The following HIVEP1 variants were observed in gnomAD, a reference collection of about 807,000 sequenced individuals.
The protein encoded by HIVEP1 is HIVEP zinc finger 1, also known as zinc finger protein 40.
In HIVEP1, 36 loss-of-function variants were observed where a neutral mutation model predicts 180.0. The ratio of observed to expected loss-of-function variants is 0.20; its 90% CI spans 0.15 to 0.26. HIVEP1 has a LOEUF of 0.26. Ranked by LOEUF, HIVEP1 falls within the 10% of genes least tolerant of loss-of-function variation. The probability of loss-of-function intolerance (pLI) is 1.00; values close to 1 mark genes in which losing one functional copy is unlikely to be tolerated. For missense variants in HIVEP1, 3,143 were observed against 3,268.7 expected, an observed-to-expected ratio of 0.96 and a Z score of 0.94; for synonymous variants, 1,239 against 1,239.0, an observed-to-expected ratio of 1.00 and a Z score of 0.00.
At chr6:12,185,826 C>T in the HIVEP1 span, among the ~76,000 whole-genome samples, 1 of 152,120 alleles carries the variant, frequency 6.6e-6, no homozygotes, top group South Asian at 2.1e-4. Flanking sequence ...AAATGGGAAC[C>T]ATCATGCATT....
chr6:12,057,388 T>C (rs1770950911), intron 2 of HIVEP1, among the ~76,000 whole-genome samples: 1 of 152,234 alleles, frequency 6.6e-6, no homozygotes, highest in South Asian at 2.1e-4. Flanking sequence ...CTTGAAATGG[T>C]TGGCAGTCAG....
chr6:12,124,833 A>C lies in HIVEP1; in HGVS notation c.5038A>C (p.Ser1680Arg), dbSNP rs1389991708. 3 of 1,614,250 alleles carry C rather than the reference A, an allele frequency of 1.9e-6. No homozygotes were observed. Among genetic ancestry groups the C allele is most frequent in the Non-Finnish European group, 2.5e-6 (3 of 1,180,034 alleles). ...GACTAATCATAGTGTAGTGCCAATC[A>C]GTGAAGAACAAAATTCTGTGCCAAC... Reference protein sequence around the residue: ...CQTNHSVVPISEEQNSVPTLQ... With the variant: ...CQTNHSVVPIREEQNSVPTLQ... The change falls in exon 4 of 9, where the codon AGT (serine) becomes CGT (arginine). Residue 1680 changes from serine to arginine, a missense_variant. This residue lies in a region of HIVEP1 where 1,357 missense variants were observed against 1,260.5 expected (regional missense o/e 1.08). Transcript: ENST00000379388.
chr6:12,097,379 C>T (rs1000641212), intron 3 of HIVEP1, among the ~76,000 whole-genome samples: 17 of 151,330 alleles, frequency 1.1e-4, no homozygotes, highest in Non-Finnish European at 1.5e-4. Context: ...TAAAGGAGCC[C>T]GCAAGCTTTA....
rs748997732 is a variant in HIVEP1 at position 12,121,596 on chromosome 6, G to C, written c.1801G>C (p.Val601Leu). 3 of 1,614,094 alleles carry C rather than the reference G, an allele frequency of 1.9e-6. No homozygotes were observed. Among genetic ancestry groups the C allele is most frequent in the Admixed American group, 3.3e-5 (2 of 60,018 alleles). Residue 601 changes from valine to leucine, a missense_variant, in exon 4 of 9, where the codon GTA becomes CTA. Coordinates refer to ENST00000379388, the MANE Select transcript of HIVEP1 (RefSeq NM_002114.4). The surrounding 1 kb of genome is among the most constrained non-coding windows in gnomAD (Gnocchi z 5.3). Reference protein sequence around the residue: ...QKQKDLQVTNVQPLSANMSQG... With the variant: ...QKQKDLQVTNLQPLSANMSQG... The stretch of plus-strand genomic sequence containing the variant: ...GCAGAAGGACCTTCAGGTGACAAAC[G>C]TACAGCCACTTTCAGCCAACATGTC...
At chr6:12,193,827 G>A in the HIVEP1 span, among the ~76,000 whole-genome samples, 351 of 152,304 alleles carry the variant, frequency 2.3e-3, 4 homozygotes, top group Middle Eastern at 0.031. Flanking sequence ...AGACTTGAGT[G>A]CATAATACGA....
chr6:12,110,536 A>G (rs533862670), intron 3 of HIVEP1, among the ~76,000 whole-genome samples: 2 of 152,264 alleles, frequency 1.3e-5, no homozygotes, highest in South Asian at 2.1e-4. Context: ...TCTTGAGCCA[A>G]CCTCTGCTAG....
chr6:12,151,078 AAAT>A (rs1759675784), intron 7 of HIVEP1, among the ~76,000 whole-genome samples: 1 of 152,172 alleles, frequency 6.6e-6, no homozygotes, highest in South Asian at 2.1e-4. Flanking sequence ...ACTCATCTTC[AAAT>A]AATAACTTTT....
At position 12,164,228 on chromosome 6, in the gene HIVEP1, A is replaced by G. The variant is rs1405408846; in HGVS notation, c.7924A>G (p.Asn2642Asp). 1.2e-6 allele frequency: 2 copies of G among 1,614,140 alleles called. No individual in the cohort carries two copies. Among genetic ancestry groups the G allele is most frequent in the East Asian group, 2.2e-5 (1 of 44,862 alleles). ...GGACACAGAGAAGGCTGCCTCGGCA[A>G]ATCACGTGAAGCCCAAGCCTGAACT... The part of the protein sequence containing the change: ...KMDTEKAASA[N>D]HVKPKPELTS... Residue 2642 changes from asparagine to aspartate, a missense_variant, in exon 9 of 9, where the codon AAT becomes GAT. Asn to Asp is a conservative substitution (Grantham distance 23, BLOSUM62 1). Coordinates refer to ENST00000379388, the MANE Select transcript of HIVEP1 (RefSeq NM_002114.4).
chr6:12,209,403 A>G, the HIVEP1 span, among the ~76,000 whole-genome samples: 1 of 152,230 alleles, frequency 6.6e-6, no homozygotes, highest in African/African-American at 2.4e-5. Context: ...GCTGCACTCC[A>G]GCCTGGGCGA....
chr6:12,083,692 G>A (rs1490716807), intron 2 of HIVEP1, among the ~76,000 whole-genome samples: 1 of 152,134 alleles, frequency 6.6e-6, no homozygotes, highest in Non-Finnish European at 1.5e-5. Flanking sequence ...TGGTTAGTAT[G>A]ATGAAGAATA....
chr6:12,048,292 G>C (rs1382082466), intron 2 of HIVEP1, among the ~76,000 whole-genome samples: 2 of 152,222 alleles, frequency 1.3e-5, no homozygotes, highest in Non-Finnish European at 2.9e-5. Flanking sequence ...CTGGAGAGTG[G>C]ACACCTTCTT....
At chr6:12,058,876 T>G (rs1299577899) in intron 2 of HIVEP1, among the ~76,000 whole-genome samples, 1 of 152,198 alleles carries the variant, frequency 6.6e-6, no homozygotes, top group Non-Finnish European at 1.5e-5. Flanking sequence ...ATGTATTGAT[T>G]TAGTACCTTG....
At chr6:12,024,395 G>T (rs772185531) in intron 2 of HIVEP1, among the ~76,000 whole-genome samples, 1 of 152,052 alleles carries the variant, frequency 6.6e-6, no homozygotes, top group South Asian at 2.1e-4. Flanking sequence ...ATAACAAAAC[G>T]GTTGGCTGCT....
At chr6:12,185,033 T>C in the HIVEP1 span, among the ~76,000 whole-genome samples, 40 of 152,368 alleles carry the variant, frequency 2.6e-4, no homozygotes, top group African/African-American at 9.6e-4. Context: ...CTTCTGATTA[T>C]GAACATGACT....
intron 2 of HIVEP1, among the ~76,000 whole-genome samples, chr6:12,078,719 C>CACACACACATATATATATATAT (rs758199591): frequency 1.2e-4 from 17 of 146,358 alleles, no homozygotes; most frequent in South Asian, 2.2e-4. Context: ...CACACACACA[C>CACACACACATATATATATATAT]ATATATATAT....
intron 2 of HIVEP1, among the ~76,000 whole-genome samples, chr6:12,019,121 A>T (rs4714119): frequency 0.44 from 66,262 of 152,048 alleles, 16,472 homozygotes; most frequent in Non-Finnish European, 0.56. Flanking sequence ...CACTAAAGCC[A>T]CCTCAGTGGG....
At position 12,164,009 on chromosome 6, in the gene HIVEP1, C is replaced by T; in HGVS notation, c.7705C>T (p.Pro2569Ser). 3 of 1,614,148 alleles carry T rather than the reference C, an allele frequency of 1.9e-6. No individual in the cohort carries two copies. The highest frequency in any genetic ancestry group is 1.3e-5 in the African/African-American group (1 of 75,038). The change falls in exon 9 of 9, where the codon CCA becomes TCA. Residue 2569 changes from proline (P) to serine (S), a missense_variant. By Grantham distance (74) the Pro-to-Ser change is moderately conservative. This residue lies in a region of HIVEP1 where 595 missense variants were observed against 602.2 expected (regional missense o/e 0.99). Transcript: ENST00000379388. ...AGTAGCCGTTGATGCACAGGGAGCT[C>T]CAGAAATGCCAGCTTCCCAAAGCAA... ...SQVAVDAQGA[P>S]EMPASQSKAC...
At chr6:12,020,670 T>C (rs1440314994) in intron 2 of HIVEP1, among the ~76,000 whole-genome samples, 1 of 152,212 alleles carries the variant, frequency 6.6e-6, no homozygotes, top group African/African-American at 2.4e-5. Context: ...GAGGTGTTAC[T>C]TACTTTAGTT....
upstream of HIVEP1, among the ~76,000 whole-genome samples, chr6:12,009,140 G>GCGGCGC (rs1728897015): frequency 1.4e-5 from 2 of 145,234 alleles, no homozygotes; most frequent in Admixed American, 6.8e-5. Context: ...GGCGGCGGCG[G>GCGGCGC]CGGCGCTGCC....
Sources: gnomAD v4.1 joint callset for allele counts (sites outside exome capture counted in the v4.1 genomes callset) on GRCh38, gnomAD v4.1.1 for gene constraint, gnomAD v4.1.1 regional missense constraint, Gnocchi (gnomAD v3.1) non-coding constraint, MANE v1.5 for transcripts, NCBI Gene and HGNC (gene_info 2026-07-23, HGNC 2026-07-21) for gene names.